SLC35D4: variants seen among roughly 807,000 people sequenced by gnomAD.
The protein encoded by SLC35D4 is UDP-N-acetylglucosamine transporter SLC35D4.
At chr18:23,411,512 A>AGAAG in the SLC35D4 span, among the ~76,000 whole-genome samples, 1 of 150,236 alleles carries the variant, frequency 6.7e-6, no homozygotes, top group Non-Finnish European at 1.5e-5. Flanking sequence ...AAAGAAAGAA[A>AGAAG]GAAAGAAAGA....
chr18:23,264,883 G>A, the SLC35D4 span, among the ~76,000 whole-genome samples: 10 of 151,810 alleles, frequency 6.6e-5, no homozygotes, highest in East Asian at 1.6e-3. Flanking sequence ...GGGCTCAAGC[G>A]ATCCTCCCAT....
At chr18:23,411,037 A>G in the SLC35D4 span, among the ~76,000 whole-genome samples, 2 of 151,658 alleles carry the variant, frequency 1.3e-5, no homozygotes, top group Non-Finnish European at 2.9e-5. Flanking sequence ...CTGGCCCACA[A>G]AGGAGGCAAG....
At chr18:23,417,446 T>C in the SLC35D4 span, among the ~76,000 whole-genome samples, 3 of 152,260 alleles carry the variant, frequency 2.0e-5, no homozygotes, top group South Asian at 4.1e-4. Flanking sequence ...TACAACTCAA[T>C]TTATACAAGG....
At chr18:23,437,790 G>T in the SLC35D4 span, 1 of 1,611,362 alleles carries the variant, frequency 6.2e-7, no homozygotes, top group East Asian at 2.3e-5. Flanking sequence ...CCTTGTTCGT[G>T]AGGTAAGAAG....
the SLC35D4 span, among the ~76,000 whole-genome samples, chr18:23,412,412 T>C: frequency 6.6e-6 from 1 of 152,250 alleles, no homozygotes; most frequent in Non-Finnish European, 1.5e-5. Flanking sequence ...AGTATTTTCT[T>C]TAAAGTTGGA....
the SLC35D4 span, among the ~76,000 whole-genome samples, chr18:23,343,067 C>T: frequency 4.6e-5 from 7 of 151,948 alleles, no homozygotes; most frequent in African/African-American, 1.5e-4. Flanking sequence ...GAACTACAGG[C>T]GTGCGCCACC....
chr18:23,345,120 G>A, the SLC35D4 span, among the ~76,000 whole-genome samples: 1 of 152,030 alleles, frequency 6.6e-6, no homozygotes, highest in African/African-American at 2.4e-5. Flanking sequence ...TGGCGAGCAA[G>A]GATCTAAGAT....
the SLC35D4 span, among the ~76,000 whole-genome samples, chr18:23,279,112 G>C: frequency 0.025 from 3,753 of 152,204 alleles, 57 homozygotes; most frequent in Middle Eastern, 0.051. Flanking sequence ...AGAGATTCAG[G>C]CTCCTTCAGC....
the SLC35D4 span, among the ~76,000 whole-genome samples, chr18:23,286,557 G>A: frequency 5.3e-5 from 8 of 151,904 alleles, no homozygotes; most frequent in African/African-American, 1.2e-4. Context: ...CGGAAGCCCC[G>A]TAGACCATCA....
At chr18:23,339,426 G>C in the SLC35D4 span, among the ~76,000 whole-genome samples, 1 of 152,178 alleles carries the variant, frequency 6.6e-6, no homozygotes, top group African/African-American at 2.4e-5. Flanking sequence ...GTTCCTAGCA[G>C]ATCATTATAT....
the SLC35D4 span, among the ~76,000 whole-genome samples, chr18:23,393,899 G>A: frequency 6.6e-6 from 1 of 152,196 alleles, no homozygotes; most frequent in African/African-American, 2.4e-5. Context: ...GATTGTGGGT[G>A]TGAGACACTG....
chr18:23,306,724 C>G, the SLC35D4 span, among the ~76,000 whole-genome samples: 17 of 152,180 alleles, frequency 1.1e-4, no homozygotes, highest in African/African-American at 4.1e-4. Context: ...TTTGCCTGCA[C>G]TTCAATTTTA....
the SLC35D4 span, among the ~76,000 whole-genome samples, chr18:23,414,295 G>A: frequency 8.1e-6 from 1 of 124,048 alleles, no homozygotes; most frequent in African/African-American, 3.1e-5. Context: ...AAAAGGAAAG[G>A]AGGAAGGAAG....
At chr18:23,354,229 C>T in the SLC35D4 span, among the ~76,000 whole-genome samples, 26 of 149,898 alleles carry the variant, frequency 1.7e-4, no homozygotes, top group South Asian at 5.1e-3. Context: ...TGGCCAGGTG[C>T]GGTGGCTCAA....
chr18:23,261,608 C>A, the SLC35D4 span, among the ~76,000 whole-genome samples: 1 of 152,124 alleles, frequency 6.6e-6, no homozygotes, highest in Non-Finnish European at 1.5e-5. Context: ...GGGAGCAAGA[C>A]CCTGTCTCAG....
chr18:23,360,545 A>G, the SLC35D4 span, among the ~76,000 whole-genome samples: 2 of 152,236 alleles, frequency 1.3e-5, no homozygotes, highest in African/African-American at 4.8e-5. Context: ...GATTCCATTT[A>G]TAACAGCTTG....
At chr18:23,303,481 C>T in the SLC35D4 span, among the ~76,000 whole-genome samples, 4 of 152,340 alleles carry the variant, frequency 2.6e-5, no homozygotes, top group East Asian at 5.8e-4. Flanking sequence ...CATTTCCTCA[C>T]ACTGGAGAGC....
the SLC35D4 span, among the ~76,000 whole-genome samples, chr18:23,289,012 G>C: frequency 6.6e-6 from 1 of 152,280 alleles, no homozygotes. Flanking sequence ...CTCCTGTACG[G>C]ACGCTCCTTT....
the SLC35D4 span, among the ~76,000 whole-genome samples, chr18:23,256,928 C>G: frequency 6.6e-6 from 1 of 152,226 alleles, no homozygotes; most frequent in African/African-American, 2.4e-5. Flanking sequence ...AGCCCGTTTT[C>G]TCATCTGTAA....
Sources: allele counts gnomAD v4.1 joint callset (sites outside exome capture counted in the v4.1 genomes callset), GRCh38; gene constraint gnomAD v4.1.1; transcripts MANE v1.5; gene names NCBI Gene and HGNC (gene_info 2026-07-23, HGNC 2026-07-21).